Variants in CA10 observed in about 807,000 individuals in gnomAD.
The protein encoded by CA10 is carbonic anhydrase-related protein 10.
CA10 carries 14 observed loss-of-function variants against 44.2 expected under a neutral mutation model. The observed-to-expected ratio is 0.32, with a 90% CI of 0.21 to 0.50. The LOEUF (loss-of-function observed/expected upper bound fraction) is 0.50, where lower values mean the gene tolerates loss of function less well. Among genes scored for constraint, CA10 ranks in the 20% least tolerant of loss-of-function variants. The probability of loss-of-function intolerance (pLI) is 0.99; values close to 1 mark genes in which losing one functional copy is unlikely to be tolerated. For missense variants in CA10, 350 were observed against 409.7 expected (o/e 0.85, Z 1.26); for synonymous variants, 159 against 141.6 (o/e 1.12, Z -0.87).
intron 1 of CA10, among the ~76,000 whole-genome samples, chr17:52,124,122 G>T (rs1177093214): frequency 6.6e-6 from 1 of 152,076 alleles, no homozygotes; most frequent in East Asian, 1.9e-4. Context: ...TCACTATGGT[G>T]CTCCATCCTG....
chr17:52,026,082 T>C (rs1771999449), intron 2 of CA10, among the ~76,000 whole-genome samples: 1 of 152,084 alleles, frequency 6.6e-6, no homozygotes, highest in Non-Finnish European at 1.5e-5. Context: ...TTTCCCCTAA[T>C]CTGGCTGAGG....
chr17:52,048,465 T>G (rs1986974115), intron 2 of CA10, among the ~76,000 whole-genome samples: 1 of 152,014 alleles, frequency 6.6e-6, no homozygotes, highest in Admixed American at 6.6e-5. Flanking sequence ...GACTTGACAG[T>G]CTGTACACAC....
chr17:51,904,992 GT>G (rs1482424859), intron 3 of CA10, among the ~76,000 whole-genome samples: 6 of 152,026 alleles, frequency 3.9e-5, no homozygotes, highest in African/African-American at 1.4e-4. Flanking sequence ...CTATTTACAT[GT>G]TCCCAACCTC....
chr17:52,113,401 T>TA lies in CA10; in HGVS notation c.62-41009dup, dbSNP rs1295151000. ...ATAAAAAGGTCAGTGTTCTGAGTTCTAAAAAAAAATGTATACTGATACCCA... is the reference window on the plus strand; with the variant it reads ...ATAAAAAGGTCAGTGTTCTGAGTTCTAAAAAAAAAATGTATACTGATACCCA... On this transcript the variant is annotated intron_variant, in intron 1 of 8. Transcript: ENST00000451037. Among the ~76,000 whole-genome samples the TA allele has an allele frequency of 5.3e-5, 8 of 151,456 alleles. No homozygotes were observed. The East Asian group carries it at 1.4e-3, about 26-fold the overall frequency.
chr17:51,716,215 C>T (rs868737538), intron 4 of CA10, among the ~76,000 whole-genome samples: 1 of 152,260 alleles, frequency 6.6e-6, no homozygotes, highest in South Asian at 2.1e-4. Context: ...GGTCACCTTA[C>T]TCAGCAGTTC....
chr17:51,983,978 T>G (rs1984741309), intron 2 of CA10, among the ~76,000 whole-genome samples: 1 of 151,776 alleles, frequency 6.6e-6, no homozygotes, highest in African/African-American at 2.4e-5. Context: ...CAACACGAAG[T>G]CTCTATGCAA....
chr17:52,110,036 C>G (rs1988756884), intron 1 of CA10, among the ~76,000 whole-genome samples: 1 of 152,164 alleles, frequency 6.6e-6, no homozygotes, highest in Non-Finnish European at 1.5e-5. Context: ...ATCCGCATGA[C>G]TATTCTGCAA....
chr17:51,940,594 A>C (rs2144015000), intron 2 of CA10, among the ~76,000 whole-genome samples: 1 of 152,008 alleles, frequency 6.6e-6, no homozygotes, highest in African/African-American at 2.4e-5. Flanking sequence ...TCACCTTGGA[A>C]GTAGACTTTA....
chr17:51,681,905 C>T (rs930064108), intron 4 of CA10, among the ~76,000 whole-genome samples: 2 of 152,106 alleles, frequency 1.3e-5, no homozygotes, highest in East Asian at 1.9e-4. Flanking sequence ...TTCACTTAGA[C>T]GTGGGAACAT....
At chr17:51,775,914 A>G (rs1321075496) in intron 3 of CA10, among the ~76,000 whole-genome samples, 1 of 152,114 alleles carries the variant, frequency 6.6e-6, no homozygotes, top group Non-Finnish European at 1.5e-5. Flanking sequence ...ACAGAAGGGG[A>G]ATGGGACATA....
At chr17:51,808,447 C>G (rs1339257856) in intron 3 of CA10, among the ~76,000 whole-genome samples, 1 of 152,028 alleles carries the variant, frequency 6.6e-6, no homozygotes, top group Admixed American at 6.6e-5. Context: ...CTTGTTTACC[C>G]ATCCAAAAGT....
At chr17:51,851,603 T>C (rs992864745) in intron 3 of CA10, among the ~76,000 whole-genome samples, 3 of 152,252 alleles carry the variant, frequency 2.0e-5, no homozygotes, top group African/African-American at 7.2e-5. Context: ...AATTCTGTAT[T>C]GAAGCAACTT....
At chr17:51,711,084 A>G (rs984897062) in intron 4 of CA10, among the ~76,000 whole-genome samples, 1 of 152,060 alleles carries the variant, frequency 6.6e-6, no homozygotes, top group Non-Finnish European at 1.5e-5. Flanking sequence ...AAACTTGCAA[A>G]CAGAAAACGC....
At chr17:51,806,382 T>G (rs1907138095) in intron 3 of CA10, among the ~76,000 whole-genome samples, 1 of 152,216 alleles carries the variant, frequency 6.6e-6, no homozygotes, top group Admixed American at 6.5e-5. Context: ...CAATTTACAC[T>G]TTCATTAAAC....
intron 6 of CA10, among the ~76,000 whole-genome samples, chr17:51,646,557 G>T (rs1420667087): frequency 3.3e-5 from 5 of 152,052 alleles, no homozygotes; most frequent in African/African-American, 1.2e-4. Flanking sequence ...CCCTGATAGG[G>T]CCCCCTGAGT....
At chr17:52,040,162 A>C (rs1287981118) in intron 2 of CA10, among the ~76,000 whole-genome samples, 1 of 114,844 alleles carries the variant, frequency 8.7e-6, no homozygotes, top group East Asian at 2.3e-4. Flanking sequence ...TTTTTTTTGG[A>C]GTCATTCTCA....
intron 2 of CA10, among the ~76,000 whole-genome samples, chr17:51,988,713 C>T (rs1441690258): frequency 6.6e-6 from 1 of 151,740 alleles, no homozygotes; most frequent in South Asian, 2.1e-4. Flanking sequence ...TAGAGATACA[C>T]ATATTATAGG....
intron 2 of CA10, among the ~76,000 whole-genome samples, chr17:52,070,118 T>C (rs2143128997): frequency 6.6e-6 from 1 of 152,288 alleles, no homozygotes; most frequent in Non-Finnish European, 1.5e-5. Context: ...GAGTTGGAGT[T>C]CCCAAAAGTT....
chr17:52,123,426 C>A (rs1193777396), intron 1 of CA10, among the ~76,000 whole-genome samples: 1 of 144,186 alleles, frequency 6.9e-6, no homozygotes, highest in Non-Finnish European at 1.5e-5. Flanking sequence ...GAAAAATAAT[C>A]CAGATCTCCA....
Sources: allele counts gnomAD v4.1 joint callset (sites outside exome capture counted in the v4.1 genomes callset), GRCh38; gene constraint gnomAD v4.1.1; transcripts MANE v1.5; gene names NCBI Gene and HGNC (gene_info 2026-07-23, HGNC 2026-07-21).